Variants in KIAA1549L observed in about 807,000 individuals in gnomAD.
KIAA1549L encodes the protein KIAA1549 like.
A neutral mutation model predicts 160.7 loss-of-function variants in KIAA1549L; 88 were observed. The observed-to-expected ratio is 0.55, with a 90% CI of 0.46 to 0.65. KIAA1549L has a LOEUF of 0.65. Among genes scored for constraint, KIAA1549L ranks in the 30% least tolerant of loss-of-function variants. The pLI is 0.00. For missense variants in KIAA1549L, 2,258 were observed against 2,437.5 expected (o/e 0.93, Z 1.55); for synonymous variants, 950 against 976.7 (o/e 0.97, Z 0.51).
chr11:33,435,808 ATATGTGTGTGT>A (rs1851357882), intron 1 of KIAA1549L, among the ~76,000 whole-genome samples: 4 of 23,954 alleles, frequency 1.7e-4, no homozygotes, highest in African/African-American at 6.1e-4. Flanking sequence ...ATATATATAT[ATATGTGTGTGT>A]ATATATATAT....
At chr11:33,649,319 T>C (rs948167050) in intron 17 of KIAA1549L, among the ~76,000 whole-genome samples, 12 of 131,606 alleles carry the variant, frequency 9.1e-5, no homozygotes, top group African/African-American at 3.7e-4. Context: ...CTGAGCAATA[T>C]AATGAGATCC....
intron 1 of KIAA1549L, among the ~76,000 whole-genome samples, chr11:33,392,473 ATT>A (rs1850289885): frequency 6.6e-6 from 1 of 152,092 alleles, no homozygotes. Context: ...TCTGAGGTAA[ATT>A]TTACATACAA....
intron 17 of KIAA1549L, among the ~76,000 whole-genome samples, chr11:33,646,280 G>A (rs542614388): frequency 2.6e-5 from 4 of 152,298 alleles, no homozygotes; most frequent in African/African-American, 4.8e-5. Context: ...AGAATGAATT[G>A]CCTTTTCTAC....
chr11:33,498,072 T>G (rs1265184536), intron 1 of KIAA1549L, among the ~76,000 whole-genome samples: 1 of 152,140 alleles, frequency 6.6e-6, no homozygotes, highest in Non-Finnish European at 1.5e-5. Flanking sequence ...GAAGATTGCT[T>G]GAGGCTAAGA....
chr11:33,378,840 C>T (rs994982864), intron 1 of KIAA1549L, among the ~76,000 whole-genome samples: 2 of 152,128 alleles, frequency 1.3e-5, no homozygotes, highest in Non-Finnish European at 2.9e-5. Flanking sequence ...TATCTGCTCT[C>T]ATTTGTTCTC....
At chr11:33,581,397 T>TTGTGTGTGTGTG (rs10579855) in intron 10 of KIAA1549L, among the ~76,000 whole-genome samples, 57 of 149,776 alleles carry the variant, frequency 3.8e-4, no homozygotes, top group African/African-American at 1.2e-3. Context: ...TTCTGACAAA[T>TTGTGTGTGTGTG]TGTGTGTGTG....
At chr11:33,485,631 A>G (rs1852507795) in intron 1 of KIAA1549L, among the ~76,000 whole-genome samples, 1 of 151,902 alleles carries the variant, frequency 6.6e-6, no homozygotes, top group Admixed American at 6.6e-5. Flanking sequence ...CATTTTTATC[A>G]TTTTTTTTGG....
In KIAA1549L at chr11:33,602,551, ATC is replaced by A. The variant is rs145938317; in HGVS notation, c.4879+3610_4879+3611del. 8.2e-3 allele frequency among the ~76,000 whole-genome samples: 1,254 copies of A among 152,346 alleles called. 9 individuals are homozygous for A. The highest frequency in any genetic ancestry group is 0.027 in the African/African-American group (1,142 of 41,578). ...GCCAGTTCAGACATGAAGAAATGAA[ATC>A]TCTCTGTCCAACCTGATTTACTGAA... is the stretch of plus-strand genomic sequence containing the variant. On this transcript the variant is annotated intron_variant, in intron 13 of 20. Coordinates refer to ENST00000658780, the MANE Select transcript of KIAA1549L (RefSeq NM_012194.3).
intron 1 of KIAA1549L, among the ~76,000 whole-genome samples, chr11:33,401,487 C>T (rs1224922185): frequency 6.6e-6 from 1 of 151,858 alleles, no homozygotes. Context: ...TCCAGACACC[C>T]AGTCCACCTT....
At chr11:33,579,172 A>G (rs1372343755) in intron 10 of KIAA1549L, among the ~76,000 whole-genome samples, 7 of 152,202 alleles carry the variant, frequency 4.6e-5, no homozygotes, top group African/African-American at 1.7e-4. Context: ...AAATGGTAGT[A>G]TAAAAACACC....
In KIAA1549L at chr11:33,656,020, G is replaced by A; in HGVS notation, c.5769G>A (p.Arg1923=). ...YQYSLPRPAY[R]FSQLPEMVMG... Reference sequence around the variant, plus strand: ...GCTTGTCTCTTTCACAGGCTTACAGGTTTTCCCAGCTTCCTGAGATGGTCA... The same window carrying A: ...GCTTGTCTCTTTCACAGGCTTACAGATTTTCCCAGCTTCCTGAGATGGTCA... The change falls in exon 18 of 21, where the codon AGG becomes AGA. Residue 1923 remains arginine, a synonymous_variant. Transcript: ENST00000658780. 2 of 1,613,566 alleles carry A rather than the reference G, an allele frequency of 1.2e-6. No individual in the cohort carries two copies. Among genetic ancestry groups the A allele is most frequent in the South Asian group, 2.2e-5 (2 of 90,986 alleles).
intron 1 of KIAA1549L, among the ~76,000 whole-genome samples, chr11:33,469,947 A>G (rs915164899): frequency 1.3e-5 from 2 of 152,200 alleles, no homozygotes; most frequent in African/African-American, 4.8e-5. Context: ...TGGTTTGCAA[A>G]TATTTTCTTC....
chr11:33,500,423 T>C (rs893105089), intron 1 of KIAA1549L, among the ~76,000 whole-genome samples: 2 of 152,174 alleles, frequency 1.3e-5, no homozygotes, highest in East Asian at 3.8e-4. Context: ...TCATTCAGCA[T>C]TAATAAAGCA....
intron 1 of KIAA1549L, among the ~76,000 whole-genome samples, chr11:33,396,950 CAAA>C (rs112460980): frequency 9.5e-6 from 1 of 105,282 alleles, no homozygotes. Context: ...ACTCTGTGTC[CAAA>C]AAAAAAAAAA....
intron 8 of KIAA1549L, among the ~76,000 whole-genome samples, chr11:33,562,906 C>T (rs1350120648): frequency 6.6e-6 from 1 of 151,860 alleles, no homozygotes; most frequent in Non-Finnish European, 1.5e-5. Context: ...GTCTCGAACT[C>T]CTGACCTCAG....
Position 33,668,301 on chromosome 11 carries a change from G to A in KIAA1549L, c.*147G>A, listed in dbSNP as rs140039185. On this transcript the variant is annotated 3_prime_UTR_variant, in exon 21 of 21. Coordinates refer to ENST00000658780, the MANE Select transcript of KIAA1549L (RefSeq NM_012194.3). ...TGAAAAGGTGAACTATGGGGCTTCT[G>A]GGAACAGGAAACTCTTGAACGACTA... 3,162 of 751,780 alleles carry A rather than the reference G, an allele frequency of 4.2e-3. 17 individuals carry two copies. Among genetic ancestry groups the A allele is most frequent in the South Asian group, 9.7e-3 (512 of 52,848 alleles). The allele number at this position is 751,780 out of a possible 1,614,324, so 46.6% of individuals were successfully genotyped here.
At position 33,614,566 on chromosome 11, in the gene KIAA1549L, A is replaced by C. The variant is rs1362245470; in HGVS notation, c.5280-3967A>C. ...TATATATATATATATATATATATAT[A>C]TATATATATATATATATATTTTTTT... On this transcript the variant is annotated intron_variant, in intron 15 of 20. Transcript: ENST00000658780. 7.1e-3 allele frequency among the ~76,000 whole-genome samples: 99 copies of C among 13,972 alleles called. 15 individuals carry two copies. Among genetic ancestry groups the C allele is most frequent in the African/African-American group, 0.063 (88 of 1,396 alleles). The allele number at this position is 13,972 out of a possible 152,430, so 9.2% of individuals were successfully genotyped here.
At chr11:33,551,699 G>C (rs1428477794) in intron 5 of KIAA1549L, among the ~76,000 whole-genome samples, 1 of 152,054 alleles carries the variant, frequency 6.6e-6, no homozygotes, top group African/African-American at 2.4e-5. Flanking sequence ...GGTCTGCAAA[G>C]TTTGTAACCT....
rs577905277 is a variant in KIAA1549L, at chr11:33,398,591, C to G, written c.238+21702C>G. Among the ~76,000 whole-genome samples the G allele has an allele frequency of 1.6e-4, 24 of 152,318 alleles. No homozygotes were observed. In the East Asian group the frequency reaches 4.0e-3, roughly 26 times the overall value. ...CAAGCAGAGAAACAAAGCACCAGTC[C>G]TTCCCCATGGATAGAGCTCTGCAAT... is the stretch of plus-strand genomic sequence containing the variant. On this transcript the variant is annotated intron_variant, in intron 1 of 20. Transcript: ENST00000658780.
Sources: gnomAD v4.1 joint callset for allele counts (sites outside exome capture counted in the v4.1 genomes callset) on GRCh38, gnomAD v4.1.1 for gene constraint, MANE v1.5 for transcripts, NCBI Gene and HGNC (gene_info 2026-07-23, HGNC 2026-07-21) for gene names.